TENM1: variants seen among roughly 807,000 people sequenced by gnomAD.
TENM1 encodes the protein teneurin-1.
TENM1 carries 35 observed loss-of-function variants against 174.8 expected under a neutral mutation model. That is an observed-to-expected ratio of 0.20 (90% CI 0.15 to 0.27). The LOEUF is 0.27. TENM1 is among the 10% of genes least tolerant of loss of function. The probability of loss-of-function intolerance (pLI) is 1.00; values close to 1 mark genes in which losing one functional copy is unlikely to be tolerated. For missense variants in TENM1, 1,633 were observed against 2,130.1 expected (o/e 0.77, Z 4.59); for synonymous variants, 781 against 798.7 (o/e 0.98, Z 0.37).
chrX:124,538,878 G>A (rs368081484), intron 15 of TENM1, among the ~76,000 whole-genome samples: 3 of 111,617 alleles, frequency 2.7e-5, no homozygotes, highest in African/African-American at 9.8e-5. Context: ...TTCCAAATCA[G>A]TAAGTGGTTT....
At chrX:125,048,919 A>G in the TENM1 span, among the ~76,000 whole-genome samples, 99 of 111,489 alleles carry the variant, frequency 8.9e-4, no homozygotes, top group Middle Eastern at 4.6e-3. Context: ...AGATACCATT[A>G]TTAAGCTTCA....
At chrX:124,552,245 AT>A (rs2048589615) in intron 14 of TENM1, among the ~76,000 whole-genome samples, 1 of 111,821 alleles carries the variant, frequency 8.9e-6, no homozygotes, top group African/African-American at 3.3e-5. Context: ...CTTCTTAGGC[AT>A]TTTAGAAAGC....
At chrX:124,513,249 GT>G (rs1400282673) in intron 18 of TENM1, among the ~76,000 whole-genome samples, 3 of 111,189 alleles carry the variant, frequency 2.7e-5, no homozygotes, top group African/African-American at 6.5e-5. Context: ...GCACGCCTTA[GT>G]TTGTGGCTCT....
chrX:125,019,354 T>C, the TENM1 span, among the ~76,000 whole-genome samples: 5 of 111,502 alleles, frequency 4.5e-5, no homozygotes, highest in Admixed American at 9.6e-5. Flanking sequence ...TTTAATTAAA[T>C]ATTTAAAATT....
the TENM1 span, among the ~76,000 whole-genome samples, chrX:125,145,613 T>C: frequency 9.3e-6 from 1 of 108,012 alleles, no homozygotes; most frequent in Non-Finnish European, 1.9e-5. Context: ...AACAAGACTG[T>C]CACTTCATAA....
chrX:124,667,572 A>G (rs1331687649), intron 6 of TENM1, among the ~76,000 whole-genome samples: 1 of 106,347 alleles, frequency 9.4e-6, no homozygotes, highest in Non-Finnish European at 1.9e-5. Context: ...CCTGGGCGAC[A>G]GAGTGAGACT....
chrX:124,870,260 C>T (rs1439443605), intron 3 of TENM1, among the ~76,000 whole-genome samples: 1 of 111,918 alleles, frequency 8.9e-6, no homozygotes, highest in African/African-American at 3.2e-5. Flanking sequence ...ACTTGTTGAA[C>T]ACCTGCTAAG....
chrX:125,044,629 C>T, the TENM1 span, among the ~76,000 whole-genome samples: 9 of 110,602 alleles, frequency 8.1e-5, no homozygotes, highest in African/African-American at 1.6e-4. Context: ...AAATGAATTT[C>T]GTAAGCCTGA....
At chrX:124,774,609 G>A (rs1020498784) in intron 3 of TENM1, among the ~76,000 whole-genome samples, 2 of 111,401 alleles carry the variant, frequency 1.8e-5, no homozygotes, top group African/African-American at 6.5e-5. Flanking sequence ...CTATGAAAAT[G>A]CACCTCCCAA....
chrX:125,128,534 G>T, the TENM1 span, among the ~76,000 whole-genome samples: 1 of 111,460 alleles, frequency 9.0e-6, no homozygotes, highest in Admixed American at 9.6e-5. Context: ...CTAAATTCTT[G>T]CTAATGAAAA....
chrX:124,877,525 G>A (rs1384534032), intron 3 of TENM1, among the ~76,000 whole-genome samples: 1 of 111,682 alleles, frequency 9.0e-6, no homozygotes, highest in Non-Finnish European at 1.9e-5. Flanking sequence ...ATAATTTGGG[G>A]GTATTTGGAG....
At chrX:124,741,783 T>C (rs758654209) in intron 3 of TENM1, among the ~76,000 whole-genome samples, 34 of 111,979 alleles carry the variant, frequency 3.0e-4, no homozygotes, top group Non-Finnish European at 5.5e-4. Flanking sequence ...AGCTGATGGA[T>C]ATTGCAGGTA....
the TENM1 span, among the ~76,000 whole-genome samples, chrX:124,982,594 ACT>A: frequency 9.0e-6 from 1 of 111,722 alleles, no homozygotes; most frequent in African/African-American, 3.3e-5. Context: ...CTCAATAGAC[ACT>A]CTCAGGAAAA....
At chrX:124,885,127 G>A (rs1402210397) in intron 3 of TENM1, among the ~76,000 whole-genome samples, 1 of 110,787 alleles carries the variant, frequency 9.0e-6, no homozygotes, top group Non-Finnish European at 1.9e-5. Context: ...GTCTGTCATT[G>A]ACCAAAACAC....
At chrX:124,384,465 A>G (rs779136404) in exon 30 of TENM1, 1 of 1,209,892 alleles carries the variant, frequency 8.3e-7, no homozygotes, top group Non-Finnish European at 1.1e-6. Context: ...TCATAGAAGT[A>G]CCTTGTTATA....
rs7882953 is a variant in TENM1, at chrX:124,546,963, G to A, written c.2562C>T (p.His854=). 61 of 1,209,830 alleles carry A rather than the reference G, an allele frequency of 5.0e-5. No individual in the cohort carries two copies. In the African/African-American group the frequency reaches 5.8e-4, roughly 11 times the overall value. The change falls in exon 15 of 32, where the codon CAC becomes CAT. Residue 854 remains histidine (H), a synonymous_variant. Coordinates refer to ENST00000422452, the Ensembl canonical transcript of TENM1. ...TTCGATCATAAAAAAGTCTTGAAGT[G>A]TGCTGAGAGAAGAGAGTTTGGCTTT... is the stretch of plus-strand genomic sequence containing the variant.
chrX:124,536,076 T>C (rs2048199685), intron 15 of TENM1, among the ~76,000 whole-genome samples: 1 of 111,532 alleles, frequency 9.0e-6, no homozygotes, highest in Admixed American at 9.6e-5. Flanking sequence ...ATTCTTCCTT[T>C]ATATATTATT....
At chrX:124,930,989 G>A (rs916526823) in intron 1 of TENM1, among the ~76,000 whole-genome samples, 1 of 111,491 alleles carries the variant, frequency 9.0e-6, no homozygotes, top group Non-Finnish European at 1.9e-5. Context: ...GAATAGACAC[G>A]AGGGAAGATG....
chrX:124,977,642 C>T, the TENM1 span, among the ~76,000 whole-genome samples: 2 of 109,625 alleles, frequency 1.8e-5, no homozygotes, highest in Non-Finnish European at 3.8e-5. Flanking sequence ...CTTTCCCAAC[C>T]CCTGGCGACC....
Sources: gnomAD v4.1 joint callset for allele counts (sites outside exome capture counted in the v4.1 genomes callset) on GRCh38, gnomAD v4.1.1 for gene constraint, MANE v1.5 for transcripts, NCBI Gene and HGNC (gene_info 2026-07-23, HGNC 2026-07-21) for gene names.